The following ABI2 variants were observed in gnomAD, a reference collection of about 807,000 sequenced individuals.
The protein encoded by ABI2 is abelson interactor 2.
A neutral mutation model predicts 59.2 loss-of-function variants in ABI2; 25 were observed. The ratio of observed to expected loss-of-function variants is 0.42; its 90% confidence interval spans 0.31 to 0.59. The LOEUF (loss-of-function observed/expected upper bound fraction) is 0.59. ABI2 is among the 20% of genes least tolerant of loss of function. ABI2 has a pLI of 0.14. For synonymous variants in ABI2, 213 were observed against 235.5 expected (o/e 0.90, Z 0.87); for missense variants, 545 against 681.8 (o/e 0.80, Z 2.23).
At chr2:203,425,494 A>G (rs1443772512) in intron 11 of ABI2, among the ~76,000 whole-genome samples, 3 of 152,158 alleles carry the variant, frequency 2.0e-5, no homozygotes, top group Non-Finnish European at 4.4e-5. Flanking sequence ...AAGCTACCGC[A>G]CCTGGCTGGA....
At chr2:203,361,006 A>G (rs1015299764) in intron 1 of ABI2, among the ~76,000 whole-genome samples, 1 of 152,254 alleles carries the variant, frequency 6.6e-6, no homozygotes, top group Non-Finnish European at 1.5e-5. Context: ...GCGTGGCCTC[A>G]GCATGAGCAC....
intron 4 of ABI2, among the ~76,000 whole-genome samples, chr2:203,384,546 G>A (rs2096374049): frequency 6.6e-6 from 1 of 151,940 alleles, no homozygotes; most frequent in South Asian, 2.1e-4. Flanking sequence ...CTGTGCTCAA[G>A]CCATCCTCTC....
chr2:203,350,260 A>G (rs910582923), intron 1 of ABI2, among the ~76,000 whole-genome samples: 1 of 152,116 alleles, frequency 6.6e-6, no homozygotes, highest in African/African-American at 2.4e-5. Context: ...TATTTTTAGT[A>G]GAGACGAGGT....
intron 1 of ABI2, among the ~76,000 whole-genome samples, chr2:203,365,572 T>C (rs72940136): frequency 0.011 from 1,651 of 151,674 alleles, 13 homozygotes; most frequent in Middle Eastern, 0.045. Context: ...GGATCAAGAT[T>C]AGGAAAAATA....
intron 8 of ABI2, among the ~76,000 whole-genome samples, chr2:203,400,385 A>C (rs2097174757): frequency 6.6e-6 from 1 of 152,122 alleles, no homozygotes; most frequent in Non-Finnish European, 1.5e-5. Flanking sequence ...CACCATGCCC[A>C]GCCCATGTGA....
intron 1 of ABI2, among the ~76,000 whole-genome samples, chr2:203,336,358 A>C (rs2076445485): frequency 6.6e-6 from 1 of 152,238 alleles, no homozygotes; most frequent in African/African-American, 2.4e-5. Flanking sequence ...GGATGTATCC[A>C]CATAGGCTGC....
At chr2:203,422,410 G>A (rs2255047) in intron 11 of ABI2, among the ~76,000 whole-genome samples, 16,936 of 152,212 alleles carry the variant, frequency 0.11, 1,270 homozygotes, top group African/African-American at 0.2. Context: ...ACTAACTGGG[G>A]CGGTGACTAT....
intron 8 of ABI2, among the ~76,000 whole-genome samples, chr2:203,400,496 C>T (rs918054811): frequency 6.6e-6 from 1 of 152,188 alleles, no homozygotes; most frequent in African/African-American, 2.4e-5. Context: ...AGATTAATTA[C>T]TGAAATGCTA....
intron 8 of ABI2, among the ~76,000 whole-genome samples, chr2:203,397,546 A>G (rs2097053878): frequency 6.6e-6 from 1 of 152,214 alleles, no homozygotes; most frequent in South Asian, 2.1e-4. Context: ...GCTACGAAAT[A>G]TATTTGTAGA....
In ABI2 at chr2:203,334,591, G is replaced by C. The variant is rs377567877; in HGVS notation, c.117+5960G>C. 2.6e-5 allele frequency among the ~76,000 whole-genome samples: 4 copies of C among 152,082 alleles called. 1 individual carries two copies. Among genetic ancestry groups the C allele is most frequent in the Admixed American group, 1.3e-4 (2 of 15,270 alleles). Reference sequence around the variant, plus strand: ...CAGAGATTCTGGGAAAAAAACAATAGAGAAGACAAAGCCAGTCTAGACACC... The same window carrying C: ...CAGAGATTCTGGGAAAAAAACAATACAGAAGACAAAGCCAGTCTAGACACC... On this transcript the variant is annotated intron_variant, in intron 1 of 11. Coordinates refer to ENST00000261018, the MANE Select transcript of ABI2 (RefSeq NM_001375670.1).
chr2:203,370,264 T>C (rs1297900255), intron 2 of ABI2, among the ~76,000 whole-genome samples: 2 of 150,930 alleles, frequency 1.3e-5, no homozygotes, highest in African/African-American at 2.4e-5. Flanking sequence ...TTTTTTTTTT[T>C]TGGTTGGGGG....
chr2:203,408,415 G>A (rs951167978), intron 9 of ABI2, among the ~76,000 whole-genome samples: 2 of 150,428 alleles, frequency 1.3e-5, no homozygotes, highest in East Asian at 2.0e-4. Context: ...CGCCCCCCTC[G>A]GCCTTCCAAA....
Position 203,416,788 on chromosome 2 carries a change from G to A in ABI2, c.1280-120G>A, listed in dbSNP as rs536889362. 36 of 1,057,152 alleles carry A rather than the reference G, an allele frequency of 3.4e-5. No individual in the cohort carries two copies. In the African/African-American group the frequency reaches 5.3e-4, roughly 16 times the overall value. 65.5% of individuals were successfully genotyped at this position (1,057,152 alleles called of 1,614,324 possible). On this transcript the variant is annotated intron_variant, in intron 10 of 11. Coordinates refer to ENST00000261018, the MANE Select transcript of ABI2 (RefSeq NM_001375670.1). ...GACTTATCTTGCTCATTGATTTTTT[G>A]AAGGAATATTACATTTATTTTCAAG...
In ABI2 at chr2:203,394,765, C is replaced by G. The variant is rs1480336260; in HGVS notation, c.644C>G (p.Pro215Arg). Residue 215 changes from proline to arginine, a missense_variant, in exon 6 of 12, where the codon CCT becomes CGT. Physicochemically the swap from Pro to Arg is moderately radical, Grantham distance 103. This residue lies in a region of ABI2 where 410 missense variants were observed against 435.6 expected (regional missense o/e 0.94). Transcript: ENST00000261018. ...CCAGTGGTACCAAATGATTACGTACCTAGCCCAACCCGTAATATGGCTCCC... is the reference window on the plus strand; with the variant it reads ...CCAGTGGTACCAAATGATTACGTACGTAGCCCAACCCGTAATATGGCTCCC... The part of the protein sequence containing the change: ...RPPVVPNDYV[P>R]SPTRNMAPSQ... 2.5e-6 allele frequency: 4 copies of G among 1,613,966 alleles called. No homozygotes were observed. The African/African-American group carries it at 4.0e-5, about 16-fold the overall frequency.
chr2:203,384,565 C>T (rs776767859), intron 4 of ABI2, among the ~76,000 whole-genome samples: 52 of 152,072 alleles, frequency 3.4e-4, no homozygotes, highest in Middle Eastern at 3.4e-3. Context: ...TCACCTCGGC[C>T]TCCCAAAATG....
In ABI2 at chr2:203,399,198, C is replaced by G. The variant is rs184263814; in HGVS notation, c.1033+2231C>G. ...GAGTTTCCAGTTGCATCCTTGTCAGCCCTTGGTGTTGCCTTTTTTAGCTTT... is the reference window on the plus strand; with the variant it reads ...GAGTTTCCAGTTGCATCCTTGTCAGGCCTTGGTGTTGCCTTTTTTAGCTTT... On this transcript the variant is annotated intron_variant, in intron 8 of 11. Coordinates refer to ENST00000261018, the MANE Select transcript of ABI2 (RefSeq NM_001375670.1). 2.5e-3 allele frequency among the ~76,000 whole-genome samples: 387 copies of G among 152,254 alleles called. 2 individuals carry two copies. Among genetic ancestry groups the G allele is most frequent in the Non-Finnish European group, 4.0e-3 (270 of 68,022 alleles).
At chr2:203,384,310 T>TGTTTTG (rs2096351203) in intron 4 of ABI2, among the ~76,000 whole-genome samples, 2 of 139,668 alleles carry the variant, frequency 1.4e-5, no homozygotes, top group African/African-American at 5.8e-5. Flanking sequence ...TTTTTTTTTT[T>TGTTTTG]TTTTTTTTTT....
chr2:203,416,073 T>C (rs1210388967), intron 10 of ABI2, among the ~76,000 whole-genome samples: 1 of 152,208 alleles, frequency 6.6e-6, no homozygotes, highest in Admixed American at 6.5e-5. Flanking sequence ...CCTCTTGAAT[T>C]TGGTAAAATG....
intron 11 of ABI2, among the ~76,000 whole-genome samples, chr2:203,424,098 A>G (rs1230312125): frequency 6.6e-6 from 1 of 152,204 alleles, no homozygotes; most frequent in Non-Finnish European, 1.5e-5. Context: ...TACATGCATA[A>G]TTGGAAAAAG....
Sources: allele counts gnomAD v4.1 joint callset (sites outside exome capture counted in the v4.1 genomes callset), GRCh38; gene constraint gnomAD v4.1.1; regional missense constraint gnomAD v4.1.1; transcripts MANE v1.5; gene names NCBI Gene and HGNC (gene_info 2026-07-23, HGNC 2026-07-21).